FAM151B: variants seen among roughly 807,000 people sequenced by gnomAD.
FAM151B encodes the protein family with sequence similarity 151 member B.
Under a neutral mutation model 31.2 loss-of-function variants are expected in FAM151B, and 24 were observed. The observed-to-expected ratio is 0.77, with a 90% CI of 0.56 to 1.08. The LOEUF (loss-of-function observed/expected upper bound fraction) is 1.08. Among genes scored for constraint, FAM151B ranks in the 50% least tolerant of loss-of-function variants. The pLI, the probability that FAM151B is intolerant of heterozygous loss-of-function variation, is 0.00. For missense variants in FAM151B, 293 were observed against 328.6 expected, an observed-to-expected ratio of 0.89 and a Z score of 0.84; for synonymous variants, 105 against 111.4, an observed-to-expected ratio of 0.94 and a Z score of 0.36.
In FAM151B at chr5:80,494,162, A is replaced by C. The variant is rs374635466; in HGVS notation, c.25+6014A>C. ...CTGGATAGATCAAACCAGCCACAACATTCCCTTAAGCCAAAGCCTAATCCA... is the reference window on the plus strand; with the variant it reads ...CTGGATAGATCAAACCAGCCACAACCTTCCCTTAAGCCAAAGCCTAATCCA... On this transcript the variant is annotated intron_variant, in intron 1 of 5. Transcript: ENST00000282226. Among the ~76,000 whole-genome samples, 17 of 152,324 alleles carry C rather than the reference A, an allele frequency of 1.1e-4. 1 individual carries two copies. The highest frequency in any genetic ancestry group is 3.8e-4 in the African/African-American group (16 of 41,580).
At position 80,519,999 on chromosome 5, in the gene FAM151B, T is replaced by C. The variant is rs1278846213; in HGVS notation, c.535+89T>C. On this transcript the variant is annotated intron_variant, in intron 4 of 5. Transcript: ENST00000282226. ...TCTTTAATACAAAGACCAAAACCCATTCTACAAAATCTAAGCCTGATGGAA... is the reference window on the plus strand; with the variant it reads ...TCTTTAATACAAAGACCAAAACCCACTCTACAAAATCTAAGCCTGATGGAA... 3.2e-6 allele frequency: 4 copies of C among 1,252,134 alleles called. No homozygotes were observed. In the African/African-American group the frequency reaches 4.6e-5, roughly 14 times the overall value. 77.6% of individuals were successfully genotyped at this position (1,252,134 alleles called of 1,614,324 possible).
At chr5:80,532,329 T>G (rs1260104040) in intron 5 of FAM151B, among the ~76,000 whole-genome samples, 1 of 152,014 alleles carries the variant, frequency 6.6e-6, no homozygotes, top group Non-Finnish European at 1.5e-5. Flanking sequence ...GTAACTAACC[T>G]GCATGTTGTG....
At chr5:80,489,147 A>G (rs1218889470) in intron 1 of FAM151B, among the ~76,000 whole-genome samples, 2 of 152,172 alleles carry the variant, frequency 1.3e-5, no homozygotes, top group Non-Finnish European at 2.9e-5. Context: ...ATACAATTAT[A>G]TTGTAATTAA....
chr5:80,501,180 AT>A (rs373497151), intron 1 of FAM151B: 22,970 of 268,260 alleles, frequency 0.086, 2 homozygotes, highest in South Asian at 0.15. Flanking sequence ...CACCTGGCTA[AT>A]TTTTTTTTTT....
In FAM151B at chr5:80,501,984, C is replaced by G. The variant is rs1288906707; in HGVS notation, c.151+67C>G. 8.3e-6 allele frequency: 11 copies of G among 1,328,628 alleles called. No individual in the cohort carries two copies. The Admixed American group carries it at 2.3e-4, about 27-fold the overall frequency. 82.3% of individuals were successfully genotyped at this position (1,328,628 alleles called of 1,614,324 possible). ...ATTAATTCAACTCCTTTTTTGATAT[C>G]TAGGTATATTTGCAGATACTAGAGA... On this transcript the variant is annotated intron_variant, in intron 2 of 5. Coordinates refer to ENST00000282226, the MANE Select transcript of FAM151B (RefSeq NM_205548.3).
chr5:80,502,098 A>G (rs771455070), intron 2 of FAM151B, among the ~76,000 whole-genome samples, 181 bp downstream of exon 2: 5 of 151,994 alleles, frequency 3.3e-5, no homozygotes, highest in African/African-American at 7.2e-5. Flanking sequence ...ATTTTTAGAG[A>G]CATAGTCTCT....
intron 4 of FAM151B, among the ~76,000 whole-genome samples, chr5:80,521,116 C>CT (rs57212651): frequency 0.022 from 1,595 of 71,804 alleles, 55 homozygotes; most frequent in African/African-American, 0.06. Context: ...TGCACCTGGC[C>CT]TTTTTTTTTT....
At chr5:80,492,527 G>A (rs1743369901) in intron 1 of FAM151B, among the ~76,000 whole-genome samples, 2 of 152,106 alleles carry the variant, frequency 1.3e-5, no homozygotes, top group South Asian at 4.1e-4. Context: ...CCATACTCCT[G>A]TCTCTCTCCC....
At chr5:80,532,146 A>G (rs922947013) in intron 5 of FAM151B, among the ~76,000 whole-genome samples, 3 of 145,928 alleles carry the variant, frequency 2.1e-5, no homozygotes, top group Non-Finnish European at 3.0e-5. Flanking sequence ...GTGTGTTCTC[A>G]CTCATAGGTG....
At chr5:80,541,641 T>C in intron 5 of FAM151B, 32 bp from the exon 6 acceptor site, 1 of 1,604,082 alleles carries the variant, frequency 6.2e-7, no homozygotes, top group Non-Finnish European at 8.5e-7. Context: ...CTTCCACTTT[T>C]AACTGTATAA....
chr5:80,531,281 A>G (rs1414759001), intron 5 of FAM151B, among the ~76,000 whole-genome samples: 1 of 152,168 alleles, frequency 6.6e-6, no homozygotes, highest in Non-Finnish European at 1.5e-5. Flanking sequence ...AGCCATAAAA[A>G]CCCTAGAAGA....
rs1350379626 is a variant in FAM151B at position 80,488,147 on chromosome 5, A to T, written c.24A>T (p.Pro8=). 1.9e-6 allele frequency: 3 copies of T among 1,541,984 alleles called. No homozygotes were observed. The highest frequency in any genetic ancestry group is 2.4e-5 in the South Asian group (2 of 83,882). MAASAGG[P]GSWSENILEY... ...CCATGGCAGCATCCGCTGGAGGCCC[A>T]GGTAAGCGCCGAGCGCGCGGCCTCT... The change falls in exon 1 of 6, where the codon CCA becomes CCT. Residue 8 remains proline, a splice_region_variant and synonymous_variant. Coordinates refer to ENST00000282226, the MANE Select transcript of FAM151B (RefSeq NM_205548.3).
At chr5:80,494,451 C>CTTTCT (rs1554055447) in intron 1 of FAM151B, among the ~76,000 whole-genome samples, 5 of 46,586 alleles carry the variant, frequency 1.1e-4, no homozygotes, top group Non-Finnish European at 2.5e-4. Context: ...CTTTTTCTTT[C>CTTTCT]TTTCTTTTCT....
intron 5 of FAM151B, among the ~76,000 whole-genome samples, chr5:80,534,631 A>G (rs1368988988): frequency 6.6e-6 from 1 of 152,220 alleles, no homozygotes; most frequent in Non-Finnish European, 1.5e-5. Flanking sequence ...GCTATATACA[A>G]CAGACCCACA....
chr5:80,516,185 G>A (rs916650169), intron 3 of FAM151B, among the ~76,000 whole-genome samples: 16 of 152,114 alleles, frequency 1.1e-4, no homozygotes, highest in African/African-American at 3.4e-4. Flanking sequence ...TTAGCTGGAC[G>A]TGGTGGCACA....
intron 5 of FAM151B, among the ~76,000 whole-genome samples, chr5:80,537,648 C>G (rs1031109132): frequency 2.6e-5 from 4 of 152,182 alleles, no homozygotes; most frequent in African/African-American, 7.2e-5. Flanking sequence ...GGCTATAACT[C>G]AGTTATGTAC....
At chr5:80,510,201 G>A (rs530404764) in intron 2 of FAM151B, among the ~76,000 whole-genome samples, 11 of 152,238 alleles carry the variant, frequency 7.2e-5, no homozygotes, top group South Asian at 4.1e-4. Flanking sequence ...CATGTAGTAC[G>A]GGCTTAGGAC....
At chr5:80,538,401 T>TTTC (rs1198446262) in intron 5 of FAM151B, among the ~76,000 whole-genome samples, 1 of 48,680 alleles carries the variant, frequency 2.1e-5, no homozygotes, top group Non-Finnish European at 3.7e-5. Flanking sequence ...TCTTTCTTTC[T>TTTC]TTCTTTCTTT....
chr5:80,532,300 A>G (rs774103800), intron 5 of FAM151B, among the ~76,000 whole-genome samples: 1 of 151,994 alleles, frequency 6.6e-6, no homozygotes, highest in African/African-American at 2.4e-5. Flanking sequence ...GCACACCAAC[A>G]TGGCACATGT....
Sources: allele counts gnomAD v4.1 joint callset (sites outside exome capture counted in the v4.1 genomes callset), GRCh38; gene constraint gnomAD v4.1.1; transcripts MANE v1.5; gene names NCBI Gene and HGNC (gene_info 2026-07-23, HGNC 2026-07-21).